Variants in DIP2C observed in about 807,000 individuals in gnomAD.
The protein encoded by DIP2C is disco-interacting protein 2 homolog C.
DIP2C carries 33 observed loss-of-function variants against 192.4 expected under a neutral mutation model. The ratio of observed to expected loss-of-function variants is 0.17; its 90% CI spans 0.13 to 0.23. The LOEUF (loss-of-function observed/expected upper bound fraction) is 0.23. Among genes scored for constraint, DIP2C ranks in the 10% least tolerant of loss-of-function variants. The pLI, the probability that DIP2C is intolerant of heterozygous loss-of-function variation, is 1.00. For synonymous variants in DIP2C, 979 were observed against 864.1 expected, an observed-to-expected ratio of 1.13 and a Z score of -2.33; for missense variants, 1,537 against 2,110.1, an observed-to-expected ratio of 0.73 and a Z score of 5.32.
chr10:324,693 A>G (rs1957182339), intron 31 of DIP2C: 1 of 245,804 alleles, frequency 4.1e-6, no homozygotes, highest in South Asian at 5.2e-5. Context: ...TCTTCTGCAC[A>G]AGAACATATT....
At chr10:577,402 A>G (rs1850239428) in intron 1 of DIP2C, among the ~76,000 whole-genome samples, 1 of 152,250 alleles carries the variant, frequency 6.6e-6, no homozygotes, top group Non-Finnish European at 1.5e-5. Context: ...TACCCTTTCT[A>G]TGTGGCCGTA....
rs566874209 is a variant in DIP2C, at chr10:381,650, T to G, written c.1991+997A>C. On this transcript the variant is annotated intron_variant, in intron 17 of 36. Coordinates refer to ENST00000280886, the MANE Select transcript of DIP2C (RefSeq NM_014974.3). ...ACAGTGGGAGGGAGACACGTCCTGC[T>G]CTTGTTATTTCTGTCTGTGTCCTGG... Among the ~76,000 whole-genome samples, 6 of 152,334 alleles carry G rather than the reference T, an allele frequency of 3.9e-5. No homozygotes were observed. In the South Asian group the frequency reaches 1.2e-3, roughly 32 times the overall value.
intron 3 of DIP2C, among the ~76,000 whole-genome samples, chr10:461,106 G>T (rs533396561): frequency 1.3e-5 from 2 of 152,290 alleles, no homozygotes; most frequent in Admixed American, 1.3e-4. Flanking sequence ...ATAACAAATT[G>T]TAAAGACCAC....
chr10:297,544 C>T (rs1418632862), intron 32 of DIP2C, among the ~76,000 whole-genome samples: 2 of 152,140 alleles, frequency 1.3e-5, no homozygotes, highest in Non-Finnish European at 2.9e-5. Context: ...AAGCGCAGGA[C>T]ACTAAATAAA....
At chr10:392,080 G>T (rs1380694138) in intron 10 of DIP2C, among the ~76,000 whole-genome samples, 4 of 152,196 alleles carry the variant, frequency 2.6e-5, no homozygotes, top group Non-Finnish European at 5.9e-5. Flanking sequence ...CCACTTCGGG[G>T]ACATCTTGTG....
intron 32 of DIP2C, among the ~76,000 whole-genome samples, chr10:309,681 C>T (rs2132318647): frequency 6.6e-6 from 1 of 152,132 alleles, no homozygotes; most frequent in Admixed American, 6.5e-5. Context: ...GACTCAGCCT[C>T]CCAAAGAGCT....
intron 1 of DIP2C, among the ~76,000 whole-genome samples, chr10:635,850 G>C (rs1246687229): frequency 6.6e-6 from 1 of 152,178 alleles, no homozygotes; most frequent in African/African-American, 2.4e-5. Flanking sequence ...CTGCCTCACC[G>C]GCCCAGGGGA....
intron 29 of DIP2C, among the ~76,000 whole-genome samples, chr10:336,677 G>C (rs1957782688): frequency 6.6e-6 from 1 of 152,214 alleles, no homozygotes; most frequent in African/African-American, 2.4e-5. Flanking sequence ...AGCCTCAGTG[G>C]GTCCTTCAGG....
chr10:610,913 T>C (rs1853052262), intron 1 of DIP2C, among the ~76,000 whole-genome samples: 2 of 146,680 alleles, frequency 1.4e-5, no homozygotes, highest in African/African-American at 2.6e-5. Flanking sequence ...GGGAGGTGAC[T>C]GACTCATGGG....
chr10:367,699 G>A (rs1960439465), intron 18 of DIP2C, among the ~76,000 whole-genome samples: 1 of 152,212 alleles, frequency 6.6e-6, no homozygotes, highest in South Asian at 2.1e-4. Context: ...CACCAAACGG[G>A]GGGGCTCAAA....
At chr10:290,993 G>A (rs1043086849) in intron 32 of DIP2C, among the ~76,000 whole-genome samples, 1 of 152,318 alleles carries the variant, frequency 6.6e-6, no homozygotes, top group East Asian at 1.9e-4. Flanking sequence ...TAAAAGTGAT[G>A]GGCAAATGCC....
At chr10:504,723 C>G (rs1374621910) in intron 1 of DIP2C, among the ~76,000 whole-genome samples, 1 of 152,252 alleles carries the variant, frequency 6.6e-6, no homozygotes, top group Non-Finnish European at 1.5e-5. Flanking sequence ...CTTACTGTTT[C>G]CTAAGAAAGC....
rs551444362 is a variant in DIP2C at position 487,604 on chromosome 10, GTC to G, written c.86-1076_86-1075del. Among the ~76,000 whole-genome samples the G allele has an allele frequency of 4.0e-3, 431 of 107,284 alleles. 1 individual carries two copies. The highest frequency in any genetic ancestry group is 5.2e-3 in the Non-Finnish European group (309 of 59,204). 70.4% of individuals were successfully genotyped at this position (107,284 alleles called of 152,430 possible). ...TTTTTTTTTTTTTTTTTTTGAGACA[GTC>G]TCTCTCTGTCGCCCAGGCTGGAGTG... On this transcript the variant is annotated intron_variant, in intron 1 of 36. Transcript: ENST00000280886.
At chr10:506,995 T>C (rs993712399) in intron 1 of DIP2C, among the ~76,000 whole-genome samples, 1 of 151,338 alleles carries the variant, frequency 6.6e-6, no homozygotes, top group East Asian at 1.9e-4. Flanking sequence ...GTCAAGGACC[T>C]GGTCACCCAC....
intron 1 of DIP2C, chr10:650,331 C>T (rs1340676929): frequency 5.6e-6 from 4 of 716,500 alleles, no homozygotes; most frequent in South Asian, 3.0e-5. Flanking sequence ...ACCACGCCAG[C>T]CCACAGCCAC....
chr10:445,470 C>T (rs889559316), intron 3 of DIP2C, among the ~76,000 whole-genome samples: 3 of 150,008 alleles, frequency 2.0e-5, no homozygotes, highest in Admixed American at 2.0e-4. Context: ...CACAGGCCCA[C>T]TGGACATCTG....
chr10:299,279 A>G (rs895164993), intron 32 of DIP2C, among the ~76,000 whole-genome samples: 1 of 152,238 alleles, frequency 6.6e-6, no homozygotes, highest in Non-Finnish European at 1.5e-5. Context: ...TTGATCCAAT[A>G]TTTAATCTAT....
chr10:382,797 A>G, intron 16 of DIP2C, 36 bp from the exon 17 acceptor site: 1 of 1,461,174 alleles, frequency 6.8e-7, no homozygotes, highest in Non-Finnish European at 9.4e-7. Context: ...AGACAGCTGA[A>G]GCACTGTGAT....
chr10:613,119 G>T (rs72774581), intron 1 of DIP2C, among the ~76,000 whole-genome samples: 1 of 152,032 alleles, frequency 6.6e-6, no homozygotes, highest in Non-Finnish European at 1.5e-5. Context: ...TGACTGCCTC[G>T]TCTGCAAAAA....
Sources: allele counts gnomAD v4.1 joint callset (sites outside exome capture counted in the v4.1 genomes callset), GRCh38; gene constraint gnomAD v4.1.1; transcripts MANE v1.5; gene names NCBI Gene and HGNC (gene_info 2026-07-23, HGNC 2026-07-21).